The following TF variants were observed in gnomAD, a reference collection of about 807,000 sequenced individuals.
TF encodes serotransferrin.
In TF, 55 loss-of-function variants were observed where a neutral mutation model predicts 82.4. The observed-to-expected ratio is 0.67, with a 90% CI of 0.54 to 0.84. The LOEUF (loss-of-function observed/expected upper bound fraction) is 0.84. Among genes scored for constraint, TF ranks in the 40% least tolerant of loss-of-function variants. The probability of loss-of-function intolerance (pLI) is 0.00; values close to 1 mark genes in which losing one functional copy is unlikely to be tolerated. For missense variants in TF, 737 were observed against 868.4 expected (o/e 0.85, Z 1.90); for synonymous variants, 332 against 332.6 (o/e 1.00, Z 0.02).
chr3:133,727,220 C>T, the TF span, among the ~76,000 whole-genome samples: 1 of 152,108 alleles, frequency 6.6e-6, no homozygotes, highest in Non-Finnish European at 1.5e-5. Flanking sequence ...TGTTAACTTT[C>T]TGTCTCATTG....
At chr3:133,740,244 A>C in the TF span, among the ~76,000 whole-genome samples, 1 of 152,366 alleles carries the variant, frequency 6.6e-6, no homozygotes, top group South Asian at 2.1e-4. Context: ...CAGAAAACCA[A>C]ATACCACATG....
rs779048374 is a variant in TF, at chr3:133,757,012, AT to A, written c.870+4del. ...GGGAGCTTCTCAACCAGGCCCAGGT[AT>A]CCCCACCTGCCATCCTCCCCTCCAG... On this transcript the variant is annotated splice_donor_region_variant and intron_variant, in intron 7 of 16. Coordinates refer to ENST00000402696, the MANE Select transcript of TF (RefSeq NM_001063.4). 1.2e-6 allele frequency: 2 copies of A among 1,614,156 alleles called. No homozygotes were observed. The highest frequency in any genetic ancestry group is 4.5e-5 in the East Asian group (2 of 44,868).
At chr3:133,756,452 C>A in intron 6 of TF, 115 bp downstream of exon 6, 1 of 1,231,910 alleles carries the variant, frequency 8.1e-7, no homozygotes, top group Non-Finnish European at 1.2e-6. Flanking sequence ...TCTCCTTTAT[C>A]ATTGCCTGGG....
At chr3:133,758,467 A>T (rs974670561) in intron 8 of TF, among the ~76,000 whole-genome samples, 2 of 152,234 alleles carry the variant, frequency 1.3e-5, no homozygotes, top group Non-Finnish European at 2.9e-5. Context: ...ACAAATATAT[A>T]TTTGATTCTG....
the TF span, among the ~76,000 whole-genome samples, chr3:133,737,591 G>A: frequency 6.6e-6 from 1 of 151,826 alleles, no homozygotes; most frequent in Non-Finnish European, 1.5e-5. Context: ...AGAAAAGAGA[G>A]AAGAGTCAAA....
chr3:133,708,567 A>C, the TF span, among the ~76,000 whole-genome samples: 1 of 151,960 alleles, frequency 6.6e-6, no homozygotes, highest in African/African-American at 2.4e-5. Flanking sequence ...CAGTAGCTCT[A>C]AAATATATTT....
chr3:133,768,056 C>T lies in TF; in HGVS notation c.1514C>T (p.Pro505Leu), dbSNP rs1238911676. The change falls in exon 13 of 17, where the codon CCT (proline) becomes CTT (leucine). Residue 505 changes from proline (P) to leucine (L), a missense_variant. Physicochemically the swap from Pro to Leu is moderately conservative, Grantham distance 98. Coordinates refer to ENST00000402696, the MANE Select transcript of TF (RefSeq NM_001063.4). ...FDEFFSEGCA[P>L]GSKKDSSLCK... is the part of the protein sequence containing the mutation. ...GAATTTTTCAGTGAAGGTTGTGCCC[C>T]TGGGTCTAAGAAAGACTCCAGTCTC... 1 of 1,614,196 alleles carries T rather than the reference C, an allele frequency of 6.2e-7. No individual in the cohort carries two copies. Among genetic ancestry groups the T allele is most frequent in the Non-Finnish European group, 8.5e-7 (1 of 1,180,024 alleles).
At chr3:133,673,439 T>C in the TF span, among the ~76,000 whole-genome samples, 3 of 152,176 alleles carry the variant, frequency 2.0e-5, no homozygotes, top group Non-Finnish European at 2.9e-5. Flanking sequence ...ACAGCAGCAC[T>C]ATCCTTAAGA....
At chr3:133,759,597 G>A (rs1479133369) in intron 9 of TF, among the ~76,000 whole-genome samples, 1 of 152,164 alleles carries the variant, frequency 6.6e-6, no homozygotes, top group Non-Finnish European at 1.5e-5. Flanking sequence ...GCTGGACCAT[G>A]GTGTGGGTGT....
chr3:133,746,576 G>C lies in TF; in HGVS notation c.43+93G>C, dbSNP rs1304931916. The C allele has an allele frequency of 2.1e-6, 3 of 1,409,086 alleles. No individual in the cohort carries two copies. The Admixed American group carries it at 5.9e-5, about 28-fold the overall frequency. 87.3% of individuals were successfully genotyped at this position (1,409,086 alleles called of 1,614,324 possible). A position where few individuals can be genotyped will look rare whatever the true frequency, so the allele number is the denominator to read the frequency against. On this transcript the variant is annotated intron_variant, in intron 1 of 16. Coordinates refer to ENST00000402696, the MANE Select transcript of TF (RefSeq NM_001063.4). ...ACCGCGCAGCCTGCATGCACTCCGC[G>C]CTCAGGCTGGAAGCCTGGGTGTCTG...
rs1265181900 is a variant in TF, at chr3:133,786,771, G to A, written c.*8151G>A. The A allele has an allele frequency of 1.3e-5, 2 of 152,230 alleles. No homozygotes were observed. Among genetic ancestry groups the A allele is most frequent in the African/African-American group, 4.8e-5 (2 of 41,462 alleles). 9.4% of individuals were successfully genotyped at this position (152,230 alleles called of 1,614,324 possible). ...ATACTTGGAAGACTCAGTCATAACT[G>A]TTTTTACATGTGTTCACTTTATTCA... On this transcript the variant is annotated 3_prime_UTR_variant, in exon 17 of 17. Transcript: ENST00000402696.
In TF at chr3:133,791,368, G is replaced by C. The variant is rs2107953447; in HGVS notation, c.*12748G>C. ...TTAATTCATGGCAATGTGTTTGTTT[G>C]CATATAGTCAAGCAGGGTTCCTAGG... On this transcript the variant is annotated 3_prime_UTR_variant, in exon 17 of 17. Transcript: ENST00000402696. 6.6e-6 allele frequency: 1 copy of C among 152,238 alleles called. No homozygotes were observed. The allele number at this position is 152,238 out of a possible 1,614,324, so 9.4% of individuals were successfully genotyped here.
At position 133,793,267 on chromosome 3, in the gene TF, G is replaced by A. The variant is rs1370901556; in HGVS notation, c.*14647G>A. ...TTTTTGCCTTTTAAAACATTTTTGA[G>A]TCATCATTTTGCTAAATGAATGACT... On this transcript the variant is annotated 3_prime_UTR_variant, in exon 17 of 17. Coordinates refer to ENST00000402696, the MANE Select transcript of TF (RefSeq NM_001063.4). The A allele has an allele frequency of 6.6e-6, 1 of 152,072 alleles. No homozygotes were observed. The highest frequency in any genetic ancestry group is 1.5e-5 in the Non-Finnish European group (1 of 67,976). The allele number at this position is 152,072 out of a possible 1,614,324, so 9.4% of individuals were successfully genotyped here.
intron 3 of TF, among the ~76,000 whole-genome samples, 166 bp from the exon 4 acceptor site, chr3:133,754,329 C>G (rs2107913668): frequency 6.6e-6 from 1 of 152,298 alleles, no homozygotes; most frequent in South Asian, 2.1e-4. Flanking sequence ...GGTCTTCTCT[C>G]TCCCCTGCAA....
intron 9 of TF, among the ~76,000 whole-genome samples, 197 bp from the exon 10 acceptor site, chr3:133,763,985 G>A (rs904802462): frequency 2.0e-5 from 3 of 152,224 alleles, no homozygotes; most frequent in Admixed American, 2.0e-4. Context: ...AGTTCATGAT[G>A]GTTGGGTGAA....
In TF at chr3:133,766,307, T is replaced by A; in HGVS notation, c.1360T>A (p.Ser454Thr). 6.2e-7 allele frequency: 1 copy of A among 1,614,174 alleles called. No homozygotes were observed. Among genetic ancestry groups the A allele is most frequent in the South Asian group, 1.1e-5 (1 of 91,082 alleles). ...GYFAIAVVKK[S>T]ASDLTWDNLK... ...TTTTGCTATAGCAGTGGTGAAGAAA[T>A]CAGCTTCTGACCTCACCTGGGACAA... Residue 454 changes from serine (S) to threonine (T), a missense_variant, in exon 12 of 17, where the codon TCA (serine) becomes ACA (threonine). Ser to Thr is a moderately conservative substitution (Grantham distance 58, BLOSUM62 1). Coordinates refer to ENST00000402696, the MANE Select transcript of TF (RefSeq NM_001063.4).
the TF span, among the ~76,000 whole-genome samples, chr3:133,705,670 G>A: frequency 1.6e-4 from 24 of 152,284 alleles, no homozygotes; most frequent in Non-Finnish European, 2.6e-4. Flanking sequence ...AGAAGCTCCT[G>A]ACTTTGGATG....
chr3:133,708,719 T>C, the TF span, among the ~76,000 whole-genome samples: 1 of 150,306 alleles, frequency 6.7e-6, no homozygotes, highest in Non-Finnish European at 1.5e-5. Context: ...TATATATGTA[T>C]AAATACATAG....
the TF span, chr3:133,712,686 C>T: frequency 1.2e-5 from 2 of 161,392 alleles, no homozygotes; most frequent in East Asian, 2.9e-4. Flanking sequence ...GCAGTTGTGC[C>T]CCTGGGTCTA....
Sources: gnomAD v4.1 joint callset for allele counts (sites outside exome capture counted in the v4.1 genomes callset) on GRCh38, gnomAD v4.1.1 for gene constraint, MANE v1.5 for transcripts, NCBI Gene and HGNC (gene_info 2026-07-23, HGNC 2026-07-21) for gene names.